The following ARHGAP28 variants were observed in gnomAD, a reference collection of about 807,000 sequenced individuals.
ARHGAP28 encodes the protein Rho GTPase activating protein 28, also known as rho GTPase-activating protein 28.
In ARHGAP28, 56 loss-of-function variants were observed where a neutral mutation model predicts 90.7. The observed-to-expected ratio is 0.62, with a 90% CI of 0.50 to 0.77. ARHGAP28 has a LOEUF of 0.77. Among genes scored for constraint, ARHGAP28 ranks in the 30% least tolerant of loss-of-function variants. The probability of loss-of-function intolerance (pLI) is 0.00; values close to 1 mark genes in which losing one functional copy is unlikely to be tolerated. For synonymous variants in ARHGAP28, 308 were observed against 323.3 expected, an observed-to-expected ratio of 0.95 and a Z score of 0.51; for missense variants, 869 against 900.9, an observed-to-expected ratio of 0.96 and a Z score of 0.45.
intron 2 of ARHGAP28, among the ~76,000 whole-genome samples, chr18:6,836,557 C>G (rs2056755072): frequency 6.6e-6 from 1 of 151,990 alleles, no homozygotes; most frequent in South Asian, 2.1e-4. Context: ...AAGTCACCAC[C>G]AAGAGGTGAT....
intron 5 of ARHGAP28, among the ~76,000 whole-genome samples, chr18:6,864,784 A>G (rs1416870561): frequency 6.6e-6 from 1 of 152,138 alleles, no homozygotes; most frequent in Non-Finnish European, 1.5e-5. Context: ...GACTGGGTTC[A>G]AGCTGTTGGC....
intron 11 of ARHGAP28, 147 bp from the exon 12 acceptor site, chr18:6,887,010 C>G (rs1207116464): frequency 1.2e-5 from 8 of 681,164 alleles, no homozygotes; most frequent in Non-Finnish European, 2.6e-6. Flanking sequence ...TCCAAGTGAA[C>G]AAATTTACAT....
intron 1 of ARHGAP28, among the ~76,000 whole-genome samples, chr18:6,803,333 C>T (rs977623359): frequency 3.9e-5 from 6 of 152,208 alleles, no homozygotes; most frequent in East Asian, 1.9e-4. Flanking sequence ...CCATATATTG[C>T]GATGATCATG....
intron 1 of ARHGAP28, among the ~76,000 whole-genome samples, chr18:6,784,223 A>C (rs2056349173): frequency 6.6e-6 from 1 of 152,112 alleles, no homozygotes; most frequent in Non-Finnish European, 1.5e-5. Context: ...ACTGTAGCCC[A>C]GCGGTATTTG....
chr18:6,821,777 C>G (rs932097013), intron 1 of ARHGAP28, among the ~76,000 whole-genome samples: 1 of 152,166 alleles, frequency 6.6e-6, no homozygotes, highest in African/African-American at 2.4e-5. Context: ...TCTGTCCTCC[C>G]TGTCCCCAGC....
chr18:6,831,356 T>C (rs1355184093), intron 2 of ARHGAP28, among the ~76,000 whole-genome samples: 4 of 152,164 alleles, frequency 2.6e-5, no homozygotes, highest in East Asian at 1.9e-4. Flanking sequence ...ATTTTCTCAC[T>C]GCTTGTGACT....
intron 1 of ARHGAP28, among the ~76,000 whole-genome samples, chr18:6,777,952 A>ACT (rs1157850674): frequency 2.0e-5 from 3 of 151,980 alleles, no homozygotes; most frequent in African/African-American, 7.2e-5. Context: ...TACACTGGGG[A>ACT]CTCTGATTGG....
intron 2 of ARHGAP28, chr18:6,836,104 C>T (rs1257586068): frequency 6.6e-6 from 1 of 152,166 alleles, no homozygotes; most frequent in Non-Finnish European, 1.5e-5. Context: ...ACAGGAAACT[C>T]GTTTGTACTG....
intron 1 of ARHGAP28, among the ~76,000 whole-genome samples, chr18:6,808,967 T>C (rs1160611508): frequency 6.6e-6 from 1 of 152,166 alleles, no homozygotes; most frequent in African/African-American, 2.4e-5. Context: ...TATCTCTTCA[T>C]TGATTTTATT....
chr18:6,882,042 AC>A (rs1159870643), intron 10 of ARHGAP28, 94 bp from the exon 11 acceptor site: 17 of 1,216,806 alleles, frequency 1.4e-5, no homozygotes, highest in South Asian at 9.3e-5. Flanking sequence ...CAGTCTGTTT[AC>A]AAAAACAGTT....
At chr18:6,909,568 C>T (rs914239328) in intron 17 of ARHGAP28, among the ~76,000 whole-genome samples, 1 of 152,064 alleles carries the variant, frequency 6.6e-6, no homozygotes, top group African/African-American at 2.4e-5. Context: ...GCTGGGATTA[C>T]AGGTGTGAGC....
chr18:6,900,128 A>T (rs556949090), intron 16 of ARHGAP28, among the ~76,000 whole-genome samples: 1 of 152,300 alleles, frequency 6.6e-6, no homozygotes, highest in African/African-American at 2.4e-5. Context: ...CCTGCTTTCA[A>T]AGGGCCCAGC....
intron 5 of ARHGAP28, among the ~76,000 whole-genome samples, chr18:6,867,521 C>T (rs550853085): frequency 3.3e-5 from 5 of 152,170 alleles, no homozygotes; most frequent in African/African-American, 1.2e-4. Context: ...GCTTCACAGG[C>T]CTTTACCAGG....
At chr18:6,808,392 C>T (rs2056533974) in intron 1 of ARHGAP28, among the ~76,000 whole-genome samples, 1 of 152,086 alleles carries the variant, frequency 6.6e-6, no homozygotes. Flanking sequence ...CTAACTCCAT[C>T]ATCTCTGTGT....
At chr18:6,867,529 A>G (rs1197525876) in intron 5 of ARHGAP28, among the ~76,000 whole-genome samples, 2 of 152,136 alleles carry the variant, frequency 1.3e-5, no homozygotes, top group Admixed American at 6.6e-5. Context: ...GGCCTTTACC[A>G]GGATAGGTAC....
At chr18:6,785,976 A>C (rs2056361802) in intron 1 of ARHGAP28, among the ~76,000 whole-genome samples, 1 of 152,246 alleles carries the variant, frequency 6.6e-6, no homozygotes, top group Non-Finnish European at 1.5e-5. Context: ...TAGAGATCTA[A>C]ATTGTGTTTC....
chr18:6,762,903 G>A (rs1440361258), intron 1 of ARHGAP28, among the ~76,000 whole-genome samples: 2 of 152,052 alleles, frequency 1.3e-5, no homozygotes, highest in East Asian at 1.9e-4. Context: ...AGTAATATAC[G>A]CACAATGAAT....
intron 3 of ARHGAP28, among the ~76,000 whole-genome samples, chr18:6,848,215 C>T (rs1198420676): frequency 6.6e-6 from 1 of 152,114 alleles, no homozygotes; most frequent in African/African-American, 2.4e-5. Flanking sequence ...AGGGGCCTGC[C>T]TTGCAAAACA....
intron 1 of ARHGAP28, among the ~76,000 whole-genome samples, chr18:6,735,808 G>A (rs1388955565): frequency 3.3e-5 from 5 of 152,086 alleles, no homozygotes; most frequent in African/African-American, 9.7e-5. Flanking sequence ...GCCCACCTTG[G>A]CATCCCAAAT....
Sources: gnomAD v4.1 joint callset for allele counts (sites outside exome capture counted in the v4.1 genomes callset) on GRCh38, gnomAD v4.1.1 for gene constraint, MANE v1.5 for transcripts, NCBI Gene and HGNC (gene_info 2026-07-23, HGNC 2026-07-21) for gene names.